ZNF527: variants seen among roughly 807,000 people sequenced by gnomAD.
ZNF527 encodes zinc finger protein 527.
Under a neutral mutation model 13.5 loss-of-function variants are expected in ZNF527, and 5 were observed. The observed-to-expected ratio is 0.37, with a 90% confidence interval of 0.19 to 0.78. The LOEUF (loss-of-function observed/expected upper bound fraction) is 0.78, where lower values mean the gene tolerates loss of function less well. Ranked by LOEUF, ZNF527 falls within the 30% of genes least tolerant of loss-of-function variation. The pLI, the probability that ZNF527 is intolerant of heterozygous loss-of-function variation, is 0.48. For synonymous variants in ZNF527, 209 were observed against 243.1 expected (o/e 0.86, Z 1.30); for missense variants, 628 against 726.4 (o/e 0.86, Z 1.56).
chr19:37,388,217 C>A, intron 4 of ZNF527, 89 bp from the exon 5 acceptor site: 14 of 1,459,864 alleles, frequency 9.6e-6, no homozygotes, highest in Non-Finnish European at 1.3e-5. Context: ...CTCCTTCCCC[C>A]CAGTTAAATT....
intron 2 of ZNF527, 27 bp downstream of exon 2, chr19:37,374,258 C>G (rs745945273): frequency 1.2e-6 from 2 of 1,613,378 alleles, no homozygotes; most frequent in East Asian, 4.5e-5. Flanking sequence ...ACTTTGTTTT[C>G]AGACATTTGA....
Position 37,380,515 on chromosome 19 carries a change from G to A in ZNF527, c.256+143G>A, listed in dbSNP as rs571593264. On this transcript the variant is annotated intron_variant, in intron 4 of 4. Coordinates refer to ENST00000436120, the MANE Select transcript of ZNF527 (RefSeq NM_032453.2). Reference sequence around the variant, plus strand: ...TCCCTAGAAACCTCACCACACCCTGGGGTTTTTTCTTTTTCTTTCCATCAA... The same window carrying A: ...TCCCTAGAAACCTCACCACACCCTGAGGTTTTTTCTTTTTCTTTCCATCAA... 36 of 563,414 alleles carry A rather than the reference G, an allele frequency of 6.4e-5. No individual in the cohort carries two copies. The Admixed American group carries it at 9.3e-4, about 15-fold the overall frequency. The allele number at this position is 563,414 out of a possible 1,614,324, so 34.9% of individuals were successfully genotyped here.
At chr19:37,377,739 T>C (rs1174550474) in intron 2 of ZNF527, among the ~76,000 whole-genome samples, 4 of 152,122 alleles carry the variant, frequency 2.6e-5, no homozygotes, top group African/African-American at 9.7e-5. Flanking sequence ...CTCTGAACTT[T>C]GATTGAAAGA....
chr19:37,388,458 G>T lies in ZNF527; in HGVS notation c.409G>T (p.Glu137Ter). The change falls in exon 5 of 5, where the codon GAG (glutamate) becomes TAG (stop). Residue 137 changes from glutamate to a stop codon, truncating the protein, a stop_gained. Coordinates refer to ENST00000436120, the MANE Select transcript of ZNF527 (RefSeq NM_032453.2). LOFTEE classifies it low-confidence loss of function (END_TRUNC). ...AGCCTGGAAATATAAGGGTGAATTT[G>T]AGCTACATCAGGGAAATGCGGAGAG... ...REAWKYKGEFELHQGNAERHF... is the reference protein window; with the variant it reads ...REAWKYKGEF 1 of 1,614,130 alleles carries T rather than the reference G, an allele frequency of 6.2e-7. No individual in the cohort carries two copies. Among genetic ancestry groups the T allele is most frequent in the Non-Finnish European group, 8.5e-7 (1 of 1,180,022 alleles).
chr19:37,380,374 TGAGTGACA>T lies in ZNF527; in HGVS notation c.256+5_256+12del. On this transcript the variant is annotated splice_donor_5th_base_variant and intron_variant, in intron 4 of 4. Transcript: ENST00000436120. ...AGATGTCACAGGGTCACTGTGCAGGTGAGTGACAGATCACCAGGCAGGGAGGACTATTG... is the reference window on the plus strand; with the variant it reads ...AGATGTCACAGGGTCACTGTGCAGGTGATCACCAGGCAGGGAGGACTATTG... 6.2e-7 allele frequency: 1 copy of T among 1,612,762 alleles called. No individual in the cohort carries two copies. The highest frequency in any genetic ancestry group is 1.1e-5 in the South Asian group (1 of 91,028).
chr19:37,371,135 C>T lies in ZNF527; in HGVS notation c.-133C>T, dbSNP rs911779053. ...AGCTCAGAGTCCTGCATGCCTCAGT[C>T]CTCGCCTCGCTCCTCCTCGCGGAGG... On this transcript the variant is annotated 5_prime_UTR_variant, in exon 1 of 5. Transcript: ENST00000436120. 6.5e-6 allele frequency: 1 copy of T among 152,688 alleles called. No individual in the cohort carries two copies. Among genetic ancestry groups the T allele is most frequent in the Non-Finnish European group, 1.5e-5 (1 of 68,088 alleles). 9.5% of individuals were successfully genotyped at this position (152,688 alleles called of 1,614,324 possible).
At position 37,388,924 on chromosome 19, in the gene ZNF527, C is replaced by A. The variant is rs2040724609; in HGVS notation, c.875C>A (p.Pro292His). ...AFSCYSFFTQ[P>H]QRIHSGEKPY... is the part of the protein sequence containing the mutation. ...AGCTGTTACTCATTCTTTACTCAAC[C>A]TCAGAGAATTCACAGTGGAGAAAAA... Residue 292 changes from proline (P) to histidine (H), a missense_variant, in exon 5 of 5, where the codon CCT becomes CAT. Physicochemically the swap from Pro to His is moderately conservative, Grantham distance 77. Around this residue, in one of 3 missense-constraint regions of ZNF527, gnomAD observed 592 missense variants for 678.0 expected, o/e 0.87. Coordinates refer to ENST00000436120, the MANE Select transcript of ZNF527 (RefSeq NM_032453.2). 1 of 1,613,864 alleles carries A rather than the reference C, an allele frequency of 6.2e-7. No individual in the cohort carries two copies. The highest frequency in any genetic ancestry group is 1.6e-4 in the Middle Eastern group (1 of 6,062).
At chr19:37,375,576 G>A (rs972878683) in intron 2 of ZNF527, among the ~76,000 whole-genome samples, 1 of 151,760 alleles carries the variant, frequency 6.6e-6, no homozygotes, top group Non-Finnish European at 1.5e-5. Flanking sequence ...GGCCAAGATG[G>A]TCTTGATCTC....
At chr19:37,387,291 C>T (rs1440882874) in intron 4 of ZNF527, among the ~76,000 whole-genome samples, 1 of 152,208 alleles carries the variant, frequency 6.6e-6, no homozygotes, top group East Asian at 1.9e-4. Context: ...TAGCCTTGAA[C>T]ACCAAGCTCA....
At chr19:37,379,022 G>GC (rs2040630101) in intron 2 of ZNF527, 98 bp from the exon 3 acceptor site, 1 of 1,325,350 alleles carries the variant, frequency 7.5e-7, no homozygotes. Flanking sequence ...TATTTTCCTC[G>GC]CATCACTTAG....
chr19:37,375,311 T>TTTCTTTCC lies in ZNF527; in HGVS notation c.33+1082_33+1083insCTTTCCTT, dbSNP rs760003304. On this transcript the variant is annotated intron_variant, in intron 2 of 4. Coordinates refer to ENST00000436120, the MANE Select transcript of ZNF527 (RefSeq NM_032453.2). ...CTTTCTTTCTTTCTTTCTTTCTTTC[T>TTTCTTTCC]TTTCTTTCTTTCTTTCTTTCTTTCT... Among the ~76,000 whole-genome samples the TTTCTTTCC allele has an allele frequency of 4.4e-3, 351 of 79,832 alleles. 10 individuals carry two copies. Among genetic ancestry groups the TTTCTTTCC allele is most frequent in the East Asian group, 0.013 (36 of 2,706 alleles). The allele number at this position is 79,832 out of a possible 152,430, so 52.4% of individuals were successfully genotyped here.
chr19:37,373,595 T>C (rs928498064), intron 1 of ZNF527, among the ~76,000 whole-genome samples: 8 of 151,954 alleles, frequency 5.3e-5, no homozygotes, highest in African/African-American at 1.9e-4. Context: ...ACATGTCCAG[T>C]GGTGATAAAT....
intron 4 of ZNF527, among the ~76,000 whole-genome samples, chr19:37,380,689 G>A (rs536055417): frequency 6.6e-6 from 1 of 152,168 alleles, no homozygotes; most frequent in Admixed American, 6.5e-5. Flanking sequence ...TGTACACACA[G>A]TGTTTAAAGA....
chr19:37,389,159 T>C lies in ZNF527; in HGVS notation c.1110T>C (p.Tyr370=). 13 of 1,613,944 alleles carry C rather than the reference T, an allele frequency of 8.1e-6. No individual in the cohort carries two copies. The highest frequency in any genetic ancestry group is 2.2e-5 in the East Asian group (1 of 44,840). The change falls in exon 5 of 5, where the codon TAT becomes TAC. Residue 370 remains tyrosine, a synonymous_variant. Transcript: ENST00000436120. The stretch of plus-strand genomic sequence containing the variant: ...AATGTGGGAAGGCCTTTAGCCGTTA[T>C]GCCTTCCTTGTTGAACATCAGAGAA... ...CNECGKAFSR[Y]AFLVEHQRIH...
intron 4 of ZNF527, chr19:37,384,929 A>G: frequency 1.4e-6 from 1 of 701,882 alleles, no homozygotes; most frequent in Non-Finnish European, 2.6e-6. Flanking sequence ...TGCAGCCTAT[A>G]CCTACGGAAC....
At chr19:37,376,600 G>A (rs1208815372) in intron 2 of ZNF527, among the ~76,000 whole-genome samples, 1 of 151,110 alleles carries the variant, frequency 6.6e-6, no homozygotes, top group Non-Finnish European at 1.5e-5. Context: ...CTTGAACCCA[G>A]GAGGTGGAGG....
chr19:37,376,246 A>G (rs1166611769), intron 2 of ZNF527, among the ~76,000 whole-genome samples: 1 of 152,114 alleles, frequency 6.6e-6, no homozygotes, highest in Non-Finnish European at 1.5e-5. Context: ...GCTGCTTGGG[A>G]GACTGAGGTG....
chr19:37,384,601 T>G (rs1383369500), intron 4 of ZNF527, among the ~76,000 whole-genome samples: 1 of 152,216 alleles, frequency 6.6e-6, no homozygotes, highest in Non-Finnish European at 1.5e-5. Flanking sequence ...GGGAAGTGAT[T>G]GTATCAGTTT....
In ZNF527 at chr19:37,392,432, C is replaced by T; in HGVS notation, c.*2553C>T. ...TGAGACAGGGTCTCACTCTGTTATCCAGGCTGGAATGCGGTGACACAATCA... is the reference window on the plus strand; with the variant it reads ...TGAGACAGGGTCTCACTCTGTTATCTAGGCTGGAATGCGGTGACACAATCA... On this transcript the variant is annotated 3_prime_UTR_variant, in exon 5 of 5. Transcript: ENST00000436120. 6.6e-6 allele frequency: 1 copy of T among 151,804 alleles called. No homozygotes were observed. Among genetic ancestry groups the T allele is most frequent in the Non-Finnish European group, 1.5e-5 (1 of 67,948 alleles). The allele number at this position is 151,804 out of a possible 1,614,324, so 9.4% of individuals were successfully genotyped here.
Sources: allele counts gnomAD v4.1 joint callset (sites outside exome capture counted in the v4.1 genomes callset), GRCh38; gene constraint gnomAD v4.1.1; regional missense constraint gnomAD v4.1.1; transcripts MANE v1.5; gene names NCBI Gene and HGNC (gene_info 2026-07-23, HGNC 2026-07-21).